The following DIAPH2 variants were observed in gnomAD, a reference collection of about 807,000 sequenced individuals.
DIAPH2 encodes protein diaphanous homolog 2.
DIAPH2 carries 35 observed loss-of-function variants against 92.7 expected under a neutral mutation model. The observed-to-expected ratio is 0.38, with a 90% CI of 0.29 to 0.50. The LOEUF (loss-of-function observed/expected upper bound fraction) is 0.50. DIAPH2 is among the 20% of genes least tolerant of loss of function. The pLI, the probability that DIAPH2 is intolerant of heterozygous loss-of-function variation, is 0.94. For missense variants in DIAPH2, 701 were observed against 819.5 expected, an observed-to-expected ratio of 0.86 and a Z score of 1.77; for synonymous variants, 301 against 280.4, an observed-to-expected ratio of 1.07 and a Z score of -0.73.
intron 17 of DIAPH2, among the ~76,000 whole-genome samples, chrX:97,055,438 G>A (rs2066550040): frequency 2.7e-5 from 3 of 111,095 alleles, no homozygotes; most frequent in African/African-American, 9.8e-5. Flanking sequence ...ATTTTGTTAT[G>A]ATGCCTTTCA....
intron 17 of DIAPH2, among the ~76,000 whole-genome samples, chrX:97,050,673 C>G (rs2066514127): frequency 9.0e-6 from 1 of 110,552 alleles, no homozygotes; most frequent in Non-Finnish European, 1.9e-5. Flanking sequence ...TTGAGTGTTA[C>G]ATTAAACTAG....
intron 22 of DIAPH2, among the ~76,000 whole-genome samples, chrX:97,193,402 A>G (rs184517317): frequency 9.0e-6 from 1 of 111,695 alleles, no homozygotes; most frequent in Non-Finnish European, 1.9e-5. Flanking sequence ...TTGATGTGCC[A>G]GTACTTCATT....
At chrX:96,772,858 A>G (rs1314570293) in intron 4 of DIAPH2, among the ~76,000 whole-genome samples, 3 of 112,746 alleles carry the variant, frequency 2.7e-5, no homozygotes, top group Non-Finnish European at 5.6e-5. Flanking sequence ...CTGCTTGTGC[A>G]ATGTAACTCT....
chrX:97,340,667 T>G (rs1278545352), intron 23 of DIAPH2, among the ~76,000 whole-genome samples: 76 of 106,229 alleles, frequency 7.2e-4, no homozygotes, highest in African/African-American at 2.5e-3. Context: ...TGTTTTTTTT[T>G]TTTTTTGAGA....
At chrX:96,718,338 T>TTTTG in intron 1 of DIAPH2, among the ~76,000 whole-genome samples, 1 of 31,865 alleles carries the variant, frequency 3.1e-5, no homozygotes, top group Non-Finnish European at 6.1e-5. Flanking sequence ...TTTTCTTTGT[T>TTTTG]TTTTTTTTTT....
intron 17 of DIAPH2, among the ~76,000 whole-genome samples, chrX:97,009,960 A>G (rs1430495470): frequency 9.0e-6 from 1 of 111,668 alleles, no homozygotes; most frequent in East Asian, 2.8e-4. Context: ...ACTAAGTTAT[A>G]TGCCCCCAAC....
At chrX:96,870,816 T>A (rs1048287563) in intron 4 of DIAPH2, among the ~76,000 whole-genome samples, 1 of 111,892 alleles carries the variant, frequency 8.9e-6, no homozygotes, top group Non-Finnish European at 1.9e-5. Context: ...CTTTATTTCA[T>A]TTACAATGTA....
chrX:97,021,660 AT>A (rs1026460070), intron 17 of DIAPH2, among the ~76,000 whole-genome samples: 5 of 112,102 alleles, frequency 4.5e-5, no homozygotes, highest in African/African-American at 1.6e-4. Flanking sequence ...AAGTATAATA[AT>A]TTTGAAATAT....
intron 17 of DIAPH2, among the ~76,000 whole-genome samples, chrX:97,066,179 C>T (rs1038949924): frequency 2.7e-5 from 3 of 111,918 alleles, no homozygotes; most frequent in African/African-American, 9.7e-5. Flanking sequence ...ATTCATTCAC[C>T]ACTTACTCAC....
intron 25 of DIAPH2, among the ~76,000 whole-genome samples, chrX:97,414,421 C>T (rs1379881049): frequency 9.0e-6 from 1 of 111,129 alleles, no homozygotes; most frequent in Non-Finnish European, 1.9e-5. Flanking sequence ...GAGGCCAAGG[C>T]AGGTGGATCA....
intron 26 of DIAPH2, among the ~76,000 whole-genome samples, chrX:97,454,383 G>C (rs2070384382): frequency 9.1e-6 from 1 of 110,428 alleles, no homozygotes; most frequent in African/African-American, 3.3e-5. Context: ...TCTCAACTAT[G>C]TAAAAAAAAG....
At chrX:97,024,600 T>C (rs2147873482) in intron 17 of DIAPH2, among the ~76,000 whole-genome samples, 1 of 112,184 alleles carries the variant, frequency 8.9e-6, no homozygotes, top group African/African-American at 3.2e-5. Flanking sequence ...ACATAAATTT[T>C]GTCATAGCTA....
rs757071940 is a variant in DIAPH2, at chrX:97,360,410, G to A, written c.3009+12130G>A. 2.2e-4 allele frequency among the ~76,000 whole-genome samples: 23 copies of A among 106,673 alleles called. 1 individual carries two copies. Among genetic ancestry groups the A allele is most frequent in the Admixed American group, 2.0e-3 (20 of 9,924 alleles). 92.6% of individuals were successfully genotyped at this position (106,673 alleles called of 115,157 possible). A position where few individuals can be genotyped will look rare whatever the true frequency, so the allele number is the denominator to read the frequency against. ...GGGTGAATCATGAGGTCAGGAGTTCGAGACCAGCCTGGCCAACATGGTGAA... is the reference window on the plus strand; with the variant it reads ...GGGTGAATCATGAGGTCAGGAGTTCAAGACCAGCCTGGCCAACATGGTGAA... On this transcript the variant is annotated intron_variant, in intron 24 of 26. Transcript: ENST00000324765.
At position 96,962,304 on chromosome X, in the gene DIAPH2, TATATATAC is replaced by T. The variant is rs1266768718; in HGVS notation, c.1936-2781_1936-2774del. On this transcript the variant is annotated intron_variant, in intron 16 of 26. Transcript: ENST00000324765. ...ATATATACATATATATATATACATA[TATATATAC>T]ATATATATATACACATATATATATA... Among the ~76,000 whole-genome samples the T allele has an allele frequency of 2.4e-3, 100 of 42,263 alleles. 4 individuals carry two copies. The highest frequency in any genetic ancestry group is 8.0e-3 in the African/African-American group (95 of 11,909). The allele number at this position is 42,263 out of a possible 115,157, so 36.7% of individuals were successfully genotyped here. A position where few individuals can be genotyped will look rare whatever the true frequency, so the allele number is the denominator to read the frequency against.
intron 17 of DIAPH2, among the ~76,000 whole-genome samples, chrX:97,016,334 A>G (rs1397335122): frequency 8.9e-6 from 1 of 112,482 alleles, no homozygotes; most frequent in Non-Finnish European, 1.9e-5. Context: ...CAGAAAGTGA[A>G]AACATATTTG....
intron 22 of DIAPH2, among the ~76,000 whole-genome samples, chrX:97,214,982 C>T (rs1194105223): frequency 2.7e-5 from 3 of 109,393 alleles, no homozygotes; most frequent in Non-Finnish European, 5.7e-5. Context: ...TTAACTTAGT[C>T]AAATTTTAGT....
chrX:97,577,405 T>C (rs2071405942), intron 26 of DIAPH2, among the ~76,000 whole-genome samples: 1 of 112,014 alleles, frequency 8.9e-6, no homozygotes, highest in South Asian at 3.7e-4. Context: ...ATCCCAGAAC[T>C]CTCCTCTTAG....
intron 17 of DIAPH2, among the ~76,000 whole-genome samples, chrX:97,053,909 T>C (rs1340040623): frequency 8.9e-6 from 1 of 111,983 alleles, no homozygotes; most frequent in Non-Finnish European, 1.9e-5. Flanking sequence ...TGCAGTCACT[T>C]CAGGCTCTAG....
intron 22 of DIAPH2, among the ~76,000 whole-genome samples, chrX:97,179,090 A>G (rs1187606348): frequency 6.3e-5 from 7 of 111,494 alleles, no homozygotes; most frequent in Non-Finnish European, 1.3e-4. Flanking sequence ...AAATACTAAG[A>G]CAACCATCCT....
Sources: allele counts gnomAD v4.1 joint callset (sites outside exome capture counted in the v4.1 genomes callset), GRCh38; gene constraint gnomAD v4.1.1; transcripts MANE v1.5; gene names NCBI Gene and HGNC (gene_info 2026-07-23, HGNC 2026-07-21).